FGFR3: variants seen among roughly 807,000 people sequenced by gnomAD.
FGFR3 encodes FGFR-3.
In FGFR3, 25 loss-of-function variants were observed where a neutral mutation model predicts 82.9. The observed-to-expected ratio is 0.30, with a 90% CI of 0.22 to 0.42. The LOEUF is 0.42. Ranked by LOEUF, FGFR3 falls within the 10% of genes least tolerant of loss-of-function variation. The pLI is 1.00. For synonymous variants in FGFR3, 620 were observed against 516.0 expected, an observed-to-expected ratio of 1.20 and a Z score of -2.73; for missense variants, 1,026 against 1,161.0, an observed-to-expected ratio of 0.88 and a Z score of 1.69.
chr4:1,801,778 G>T (rs1357460755), intron 6 of FGFR3, 35 bp downstream of exon 6: 1 of 1,588,778 alleles, frequency 6.3e-7, no homozygotes, highest in Non-Finnish European at 8.6e-7. Context: ...GGTGGGGGCG[G>T]CAGTGGCGGT....
chr4:1,798,963 C>T (rs528118100), intron 2 of FGFR3, among the ~76,000 whole-genome samples: 1 of 152,350 alleles, frequency 6.6e-6, no homozygotes, highest in South Asian at 2.1e-4. Flanking sequence ...TTCTCCGTGT[C>T]CATGAGTGAA....
intron 8 of FGFR3, 58 bp from the exon 9 acceptor site, chr4:1,804,272 C>T (rs1196749169): frequency 3.9e-6 from 6 of 1,535,286 alleles, no homozygotes; most frequent in Non-Finnish European, 5.2e-6. Flanking sequence ...CAGGGGCATC[C>T]ATGGGAGCCC....
chr4:1,799,053 C>T (rs894600100), intron 2 of FGFR3, among the ~76,000 whole-genome samples: 2 of 152,128 alleles, frequency 1.3e-5, no homozygotes, highest in Non-Finnish European at 1.5e-5. Flanking sequence ...GACCGGAGTC[C>T]TTGGGACAGA....
Position 1,803,052 on chromosome 4 carries a change from G to A in FGFR3, c.931-640G>A, listed in dbSNP as rs747899858. On this transcript the variant is annotated intron_variant, in intron 7 of 17. Coordinates refer to ENST00000440486, the MANE Select transcript of FGFR3 (RefSeq NM_000142.5). ...GAAGGCCTTTTGGCTGAGCGTTCAC[G>A]GGCCCCGAGCAGGTAACGACTCTGT... 1.6e-5 allele frequency: 25 copies of A among 1,597,070 alleles called. No homozygotes were observed. The highest frequency in any genetic ancestry group is 3.4e-5 in the Admixed American group (2 of 58,238).
intron 3 of FGFR3, 26 bp from the exon 4 acceptor site, chr4:1,799,721 T>C: frequency 6.2e-7 from 1 of 1,612,134 alleles, no homozygotes; most frequent in Non-Finnish European, 8.5e-7. Flanking sequence ...GGTTGGGCAT[T>C]GGTTGCGGCC....
intron 2 of FGFR3, among the ~76,000 whole-genome samples, chr4:1,795,159 G>T (rs1230604775): frequency 6.6e-6 from 1 of 152,094 alleles, no homozygotes. Context: ...GAATGTGCGT[G>T]TCATTCAGCG....
intron 2 of FGFR3, among the ~76,000 whole-genome samples, chr4:1,797,479 C>A (rs916629996): frequency 6.6e-6 from 1 of 152,208 alleles, no homozygotes; most frequent in Non-Finnish European, 1.5e-5. Context: ...TGTCCCCCGT[C>A]CCCCCGTGCT....
intron 2 of FGFR3, among the ~76,000 whole-genome samples, chr4:1,795,015 C>T (rs965367073): frequency 5.9e-5 from 9 of 151,384 alleles, no homozygotes; most frequent in Admixed American, 1.3e-4. Flanking sequence ...GCGCGGCGGG[C>T]CGGGGAGGGC....
chr4:1,804,302 C>T (rs371776477), intron 8 of FGFR3, 28 bp from the exon 9 acceptor site: 3 of 1,571,046 alleles, frequency 1.9e-6, no homozygotes, highest in African/African-American at 2.7e-5. Context: ...GGGGGCCAGG[C>T]CAGGCCTCAA....
chr4:1,803,662 C>G (rs768884155), intron 7 of FGFR3, 30 bp from the exon 8 acceptor site: 1 of 1,609,846 alleles, frequency 6.2e-7, no homozygotes, highest in South Asian at 1.1e-5. Flanking sequence ...GGTGCTGGCG[C>G]TCGCCTATCG....
At chr4:1,804,302 C>A (rs371776477) in intron 8 of FGFR3, 28 bp from the exon 9 acceptor site, 1 of 1,571,166 alleles carries the variant, frequency 6.4e-7, no homozygotes, top group East Asian at 2.2e-5. Context: ...GGGGGCCAGG[C>A]CAGGCCTCAA....
In FGFR3 at chr4:1,799,036, C is replaced by T. The variant is rs149321012; in HGVS notation, c.110-218C>T. Among the ~76,000 whole-genome samples the T allele has an allele frequency of 6.4e-3, 981 of 152,256 alleles. 12 individuals carry two copies. The highest frequency in any genetic ancestry group is 0.023 in the African/African-American group (944 of 41,550). On this transcript the variant is annotated intron_variant, in intron 2 of 17. Coordinates refer to ENST00000440486, the MANE Select transcript of FGFR3 (RefSeq NM_000142.5). ...TGTGTGGGGAAGGCGGCTGTCACAC[C>T]GAGGCAGACCGGAGTCCTTGGGACA...
At chr4:1,805,982 G>A (rs777464212) in intron 13 of FGFR3, 42 bp downstream of exon 13, 7 of 1,610,460 alleles carry the variant, frequency 4.3e-6, no homozygotes, top group Non-Finnish European at 5.9e-6. Flanking sequence ...GCTGGGCCCT[G>A]CCCTGAGATG....
In FGFR3 at chr4:1,804,314, G is replaced by A. The variant is rs3135889; in HGVS notation, c.1076-16G>A. On this transcript the variant is annotated splice_polypyrimidine_tract_variant and intron_variant, in intron 8 of 17. Coordinates refer to ENST00000440486, the MANE Select transcript of FGFR3 (RefSeq NM_000142.5). Reference sequence around the variant, plus strand: ...GGGGGGGGCCAGGCCAGGCCTCAACGCCCATGTCTTTGCAGCCGAGGAGGA... The same window carrying A: ...GGGGGGGGCCAGGCCAGGCCTCAACACCCATGTCTTTGCAGCCGAGGAGGA... 5,477 of 1,587,218 alleles carry A rather than the reference G, an allele frequency of 3.5e-3. 21 individuals carry two copies. The highest frequency in any genetic ancestry group is 5.5e-3 in the Admixed American group (325 of 58,598).
intron 10 of FGFR3, among the ~76,000 whole-genome samples, 187 bp downstream of exon 10, chr4:1,805,156 C>T (rs1413784030): frequency 2.6e-5 from 4 of 152,250 alleles, no homozygotes; most frequent in African/African-American, 9.6e-5. Context: ...TCAAGGTGCC[C>T]TGTCTGGAGG....
chr4:1,802,301 C>G (rs565787382), intron 7 of FGFR3, among the ~76,000 whole-genome samples: 1 of 152,142 alleles, frequency 6.6e-6, no homozygotes, highest in Non-Finnish European at 1.5e-5. Context: ...GGGGTGGGTG[C>G]GGCTTGGGCA....
chr4:1,793,763 C>G (rs534630398), intron 1 of FGFR3, 70 bp from the exon 2 acceptor site: 1 of 159,558 alleles, frequency 6.3e-6, no homozygotes, highest in Non-Finnish European at 1.4e-5. Context: ...GGGGTCGGGA[C>G]GCAGGAGCCG....
Position 1,801,998 on chromosome 4 carries a change from C to G in FGFR3, c.903C>G (p.Asp301Glu), listed in dbSNP as rs377588489. ...VEVNGSKVGP[D>E]GTPYVTVLKT... The stretch of plus-strand genomic sequence containing the variant: ...TGAATGGCAGCAAGGTGGGCCCGGA[C>G]GGCACACCCTACGTTACCGTGCTCA... Residue 301 changes from aspartate (D) to glutamate (E), a missense_variant, in exon 7 of 18, where the codon GAC becomes GAG. Asp to Glu is a conservative substitution (Grantham distance 45). Around this residue, in one of 9 missense-constraint regions of FGFR3, gnomAD observed 256 missense variants for 217.6 expected, o/e 1.18. Coordinates refer to ENST00000440486, the MANE Select transcript of FGFR3 (RefSeq NM_000142.5). 2.5e-6 allele frequency: 4 copies of G among 1,612,514 alleles called. No homozygotes were observed. In the South Asian group the frequency reaches 4.4e-5, roughly 18 times the overall value.
At position 1,807,356 on chromosome 4, in the gene FGFR3, GGA is replaced by G. The variant is rs1560451822; in HGVS notation, c.*99_*100del. On this transcript the variant is annotated 3_prime_UTR_variant, in exon 18 of 18. Transcript: ENST00000440486. ...CCCCGGCATGAGACTCAGTGCAGAT[GGA>G]GAGACAGCTACACAGAGCTTTGGTC... The G allele has an allele frequency of 6.7e-7, 1 of 1,492,834 alleles. No homozygotes were observed. Among genetic ancestry groups the G allele is most frequent in the Non-Finnish European group, 9.0e-7 (1 of 1,106,462 alleles). 92.5% of individuals were successfully genotyped at this position (1,492,834 alleles called of 1,614,324 possible).
Sources: allele counts gnomAD v4.1 joint callset (sites outside exome capture counted in the v4.1 genomes callset), GRCh38; gene constraint gnomAD v4.1.1; regional missense constraint gnomAD v4.1.1; transcripts MANE v1.5; gene names NCBI Gene and HGNC (gene_info 2026-07-23, HGNC 2026-07-21).